Variants in UNC5C observed in about 807,000 individuals in gnomAD.
The protein encoded by UNC5C is netrin receptor UNC5C.
In UNC5C, 47 loss-of-function variants were observed where a neutral mutation model predicts 99.8. The ratio of observed to expected loss-of-function variants is 0.47; its 90% confidence interval spans 0.37 to 0.60. The LOEUF is 0.60. Ranked by LOEUF, UNC5C falls within the 20% of genes least tolerant of loss-of-function variation. The pLI, the probability that UNC5C is intolerant of heterozygous loss-of-function variation, is 0.00. For synonymous variants in UNC5C, 487 were observed against 452.2 expected (o/e 1.08, Z -0.98); for missense variants, 1,062 against 1,165.9 (o/e 0.91, Z 1.30).
chr4:95,546,307 A>C (rs1484782371), intron 1 of UNC5C, among the ~76,000 whole-genome samples: 3 of 152,224 alleles, frequency 2.0e-5, no homozygotes, highest in Non-Finnish European at 4.4e-5. Flanking sequence ...AGGTCTGACT[A>C]TCAGACCATT....
intron 1 of UNC5C, among the ~76,000 whole-genome samples, chr4:95,425,388 C>T (rs902113189): frequency 6.6e-6 from 1 of 152,252 alleles, no homozygotes; most frequent in African/African-American, 2.4e-5. Flanking sequence ...GTGGCGCGAT[C>T]TCGGCTCACT....
At chr4:95,210,736 T>G (rs918681426) in intron 10 of UNC5C, among the ~76,000 whole-genome samples, 5 of 152,246 alleles carry the variant, frequency 3.3e-5, no homozygotes, top group Non-Finnish European at 7.3e-5. Flanking sequence ...AAATGCTGGA[T>G]GGGTGCTGAG....
At chr4:95,398,857 A>C (rs530750367) in intron 1 of UNC5C, among the ~76,000 whole-genome samples, 90 of 152,280 alleles carry the variant, frequency 5.9e-4, no homozygotes, top group African/African-American at 1.8e-3. Flanking sequence ...ATGGGAATGG[A>C]GTTGCTGTAG....
intron 1 of UNC5C, among the ~76,000 whole-genome samples, chr4:95,339,561 G>A (rs1200020350): frequency 1.3e-5 from 2 of 151,994 alleles, no homozygotes; most frequent in East Asian, 3.9e-4. Context: ...ACATCAGTGA[G>A]TACATCCTCT....
intron 12 of UNC5C, among the ~76,000 whole-genome samples, chr4:95,194,279 G>T (rs985388830): frequency 2.6e-5 from 4 of 152,154 alleles, no homozygotes; most frequent in African/African-American, 9.7e-5. Context: ...GTTTTTCTAG[G>T]ACTTTTGAAG....
At chr4:95,483,348 C>G (rs28540734) in intron 1 of UNC5C, among the ~76,000 whole-genome samples, 14,268 of 151,732 alleles carry the variant, frequency 0.094, 1,264 homozygotes, top group African/African-American at 0.22. Flanking sequence ...TTATCTTTAA[C>G]TCTTTCTCTT....
chr4:95,271,018 T>C (rs375229873), intron 4 of UNC5C, among the ~76,000 whole-genome samples: 45 of 152,316 alleles, frequency 3.0e-4, no homozygotes, highest in African/African-American at 1.1e-3. Flanking sequence ...GAGTTTATGA[T>C]AGTGTGTGTA....
chr4:95,480,431 A>G (rs1721103176), intron 1 of UNC5C, among the ~76,000 whole-genome samples: 1 of 151,942 alleles, frequency 6.6e-6, no homozygotes, highest in Non-Finnish European at 1.5e-5. Context: ...GAAATGAGCA[A>G]TAAATGCTAC....
chr4:95,526,295 A>G (rs916233429), intron 1 of UNC5C, among the ~76,000 whole-genome samples: 3 of 152,190 alleles, frequency 2.0e-5, no homozygotes, highest in Non-Finnish European at 2.9e-5. Context: ...CTGCACAAAA[A>G]TGACCCAATT....
At chr4:95,494,035 T>C (rs1409725815) in intron 1 of UNC5C, among the ~76,000 whole-genome samples, 3 of 151,514 alleles carry the variant, frequency 2.0e-5, no homozygotes, top group African/African-American at 7.3e-5. Context: ...TAAGGAGATA[T>C]TAAAACTGCA....
chr4:95,270,188 G>C (rs1274198505), intron 4 of UNC5C, among the ~76,000 whole-genome samples: 3 of 152,120 alleles, frequency 2.0e-5, no homozygotes, highest in Non-Finnish European at 4.4e-5. Flanking sequence ...AATCAAAAAA[G>C]TTCTCTACTG....
At position 95,224,005 on chromosome 4, in the gene UNC5C, G is replaced by A. The variant is rs1277525498; in HGVS notation, c.1109-3829C>T. Among the ~76,000 whole-genome samples the A allele has an allele frequency of 6.6e-5, 10 of 152,230 alleles. 1 individual carries two copies. Among genetic ancestry groups the A allele is most frequent in the South Asian group, 6.2e-4 (3 of 4,822 alleles). ...TTTGGTAAGAATCAGCCTGGCAGCC[G>A]GGCATGGTGGCTCACATCTGTAATC... On this transcript the variant is annotated intron_variant, in intron 7 of 15. Transcript: ENST00000453304.
At chr4:95,220,369 C>G (rs1365988934) in intron 7 of UNC5C, among the ~76,000 whole-genome samples, 193 bp from the exon 8 acceptor site, 1 of 152,202 alleles carries the variant, frequency 6.6e-6, no homozygotes, top group African/African-American at 2.4e-5. Context: ...CTTTCTCACT[C>G]TGCATCTATC....
chr4:95,342,606 A>G (rs1316487994), intron 1 of UNC5C, among the ~76,000 whole-genome samples: 1 of 151,746 alleles, frequency 6.6e-6, no homozygotes, highest in African/African-American at 2.4e-5. Flanking sequence ...TGTAGTGAGA[A>G]TGGACTGGGA....
chr4:95,447,019 C>A (rs1747125862), intron 1 of UNC5C, among the ~76,000 whole-genome samples: 1 of 152,096 alleles, frequency 6.6e-6, no homozygotes, highest in Admixed American at 6.5e-5. Flanking sequence ...CAGGAATTGA[C>A]TGCATACAAA....
intron 1 of UNC5C, among the ~76,000 whole-genome samples, chr4:95,370,046 A>G (rs1744698188): frequency 6.6e-6 from 1 of 152,238 alleles, no homozygotes; most frequent in African/African-American, 2.4e-5. Context: ...ATTCTTTTAA[A>G]GAATGAGAAA....
intron 12 of UNC5C, among the ~76,000 whole-genome samples, chr4:95,186,000 A>G (rs1736814880): frequency 6.6e-6 from 1 of 152,200 alleles, no homozygotes; most frequent in Admixed American, 6.5e-5. Flanking sequence ...CAGATTCTAT[A>G]TATACTTCCA....
chr4:95,279,100 C>G (rs1740963231), intron 3 of UNC5C, among the ~76,000 whole-genome samples: 1 of 152,116 alleles, frequency 6.6e-6, no homozygotes, highest in African/African-American at 2.4e-5. Flanking sequence ...TCCAGTAACT[C>G]TGGAATCTTT....
intron 12 of UNC5C, among the ~76,000 whole-genome samples, chr4:95,187,576 C>T (rs767216179): frequency 6.6e-5 from 10 of 150,698 alleles, no homozygotes; most frequent in South Asian, 2.1e-4. Context: ...AAATCTAACA[C>T]GGCATTTTGA....
Sources: gnomAD v4.1 joint callset for allele counts (sites outside exome capture counted in the v4.1 genomes callset) on GRCh38, gnomAD v4.1.1 for gene constraint, MANE v1.5 for transcripts, NCBI Gene and HGNC (gene_info 2026-07-23, HGNC 2026-07-21) for gene names.